The following TET2 variants were observed in gnomAD, a reference collection of about 807,000 sequenced individuals.
TET2 encodes methylcytosine dioxygenase TET2.
TET2 carries 299 observed loss-of-function variants against 142.9 expected under a neutral mutation model. The observed-to-expected ratio is 2.09, with a 90% confidence interval of 1.90 to 2.30. The LOEUF (loss-of-function observed/expected upper bound fraction) is 2.30. Among genes scored for constraint, TET2 ranks in the 30% most tolerant of loss-of-function variants. The pLI, the probability that TET2 is intolerant of heterozygous loss-of-function variation, is 0.00. For synonymous variants in TET2, 819 were observed against 849.0 expected, an observed-to-expected ratio of 0.96 and a Z score of 0.61; for missense variants, 2,418 against 2,378.0, an observed-to-expected ratio of 1.02 and a Z score of -0.35.
chr4:105,227,822 C>A (rs1490523018), intron 2 of TET2, among the ~76,000 whole-genome samples: 2 of 152,070 alleles, frequency 1.3e-5, no homozygotes, highest in African/African-American at 2.4e-5. Context: ...AAAAAAAATT[C>A]ATTAACTCTA....
At chr4:105,178,480 A>G in intron 1 of TET2, among the ~76,000 whole-genome samples, 1 of 152,228 alleles carries the variant, frequency 6.6e-6, no homozygotes, top group Non-Finnish European at 1.5e-5. Flanking sequence ...TCTATGTAAT[A>G]CTATAGTGGT....
intron 2 of TET2, among the ~76,000 whole-genome samples, chr4:105,210,786 C>A (rs560510140): frequency 5.3e-5 from 8 of 152,144 alleles, no homozygotes; most frequent in East Asian, 1.9e-4. Context: ...TTATCCATTT[C>A]TCTGCCACTG....
chr4:105,263,782 A>G (rs1397810280), intron 8 of TET2, among the ~76,000 whole-genome samples: 1 of 152,150 alleles, frequency 6.6e-6, no homozygotes, highest in Non-Finnish European at 1.5e-5. Flanking sequence ...TTCTGGAGCC[A>G]TCAATCATTT....
chr4:105,228,205 C>G (rs1448445491), intron 2 of TET2, among the ~76,000 whole-genome samples: 2 of 152,006 alleles, frequency 1.3e-5, no homozygotes, highest in Non-Finnish European at 2.9e-5. Context: ...GCATTTTTCT[C>G]CTTCTAAAAT....
chr4:105,189,527 T>G (rs1725662641), intron 1 of TET2, among the ~76,000 whole-genome samples: 1 of 152,216 alleles, frequency 6.6e-6, no homozygotes, highest in Non-Finnish European at 1.5e-5. Flanking sequence ...TGCAGCTGTA[T>G]CTGTGCCTCA....
At chr4:105,220,193 A>C (rs902306089) in intron 2 of TET2, among the ~76,000 whole-genome samples, 1 of 152,184 alleles carries the variant, frequency 6.6e-6, no homozygotes, top group Non-Finnish European at 1.5e-5. Flanking sequence ...TAAAGTTCTT[A>C]TATATTATTA....
chr4:105,269,616 T>A lies in TET2; in HGVS notation c.4051T>A (p.Tyr1351Asn), dbSNP rs2110300256. The A allele has an allele frequency of 6.4e-7, 1 of 1,551,536 alleles. No homozygotes were observed. Among genetic ancestry groups the A allele is most frequent in the Non-Finnish European group, 8.7e-7 (1 of 1,146,878 alleles). ...APDAYNNQIEYEHRAPECRLG... is the reference protein window; with the variant it reads ...APDAYNNQIENEHRAPECRLG... ...ACACACTTTTATTTTTCAGATTGAA[T>A]ATGAACACAGAGCACCAGAGTGCCG... The change falls in exon 9 of 11, where the codon TAT (tyrosine) becomes AAT (asparagine). Residue 1351 changes from tyrosine (Y) to asparagine (N), a missense_variant. Coordinates refer to ENST00000380013, the MANE Select transcript of TET2 (RefSeq NM_001127208.3).
In TET2 at chr4:105,275,774, A is replaced by T. The variant is rs756343241; in HGVS notation, c.5264A>T (p.Glu1755Val). 13 of 1,551,746 alleles carry T rather than the reference A, an allele frequency of 8.4e-6. No homozygotes were observed. The highest frequency in any genetic ancestry group is 1.1e-5 in the Non-Finnish European group (13 of 1,146,998). ...SNPNMDYKNG[E>V]HHSPSHIIHN... ...CCAAACATGGACTATAAAAATGGTG[A>T]ACATCATTCACCTTCTCACATAATC... Residue 1755 changes from glutamate (E) to valine (V), a missense_variant, in exon 11 of 11, where the codon GAA becomes GTA. Coordinates refer to ENST00000380013, the MANE Select transcript of TET2 (RefSeq NM_001127208.3).
chr4:105,209,097 A>ATG (rs1727009488), intron 2 of TET2, among the ~76,000 whole-genome samples: 1 of 119,128 alleles, frequency 8.4e-6, no homozygotes, highest in Non-Finnish European at 1.8e-5. Context: ...ATATATATAT[A>ATG]TGTTTGAGCG....
rs1236842539 is a variant in TET2 at position 105,269,595 on chromosome 4, A to G, written c.4045-15A>G. On this transcript the variant is annotated splice_polypyrimidine_tract_variant and intron_variant, in intron 8 of 10. Transcript: ENST00000380013. Reference sequence around the variant, plus strand: ...ACTAACTACTTTCGCATTCACACACACTTTTATTTTTCAGATTGAATATGA... The same window carrying G: ...ACTAACTACTTTCGCATTCACACACGCTTTTATTTTTCAGATTGAATATGA... The G allele has an allele frequency of 1.3e-6, 2 of 1,551,052 alleles. No homozygotes were observed. The highest frequency in any genetic ancestry group is 2.7e-5 in the African/African-American group (2 of 73,016).
At chr4:105,226,254 C>T (rs1316509257) in intron 2 of TET2, among the ~76,000 whole-genome samples, 1 of 152,096 alleles carries the variant, frequency 6.6e-6, no homozygotes, top group East Asian at 1.9e-4. Context: ...TGTTTTGGTG[C>T]TTCACCATGG....
intron 1 of TET2, among the ~76,000 whole-genome samples, chr4:105,188,329 G>T (rs1471234484): frequency 1.3e-5 from 2 of 152,134 alleles, no homozygotes; most frequent in African/African-American, 4.8e-5. Context: ...ATTAATAGAG[G>T]CATACAGTAG....
intron 6 of TET2, among the ~76,000 whole-genome samples, chr4:105,257,319 G>A (rs1730187200): frequency 6.6e-6 from 1 of 152,092 alleles, no homozygotes; most frequent in Non-Finnish European, 1.5e-5. Flanking sequence ...CTGAAAATCA[G>A]ATTCTACCCC....
chr4:105,218,504 G>A (rs992467016), intron 2 of TET2, among the ~76,000 whole-genome samples: 7 of 152,030 alleles, frequency 4.6e-5, no homozygotes, highest in South Asian at 2.1e-4. Flanking sequence ...AGTGGTCTTC[G>A]TGATGAGTTA....
chr4:105,167,382 ATATG>A (rs1461172826), intron 1 of TET2, among the ~76,000 whole-genome samples: 4 of 152,034 alleles, frequency 2.6e-5, no homozygotes, highest in Admixed American at 6.5e-5. Context: ...ACACATATAC[ATATG>A]CGTGTATATG....
chr4:105,274,260 CAT>C (rs1208086656), intron 10 of TET2, among the ~76,000 whole-genome samples: 2 of 152,298 alleles, frequency 1.3e-5, no homozygotes, highest in East Asian at 1.9e-4. Context: ...GTTCTTAACT[CAT>C]ATGACTTTTT....
intron 1 of TET2, among the ~76,000 whole-genome samples, chr4:105,173,878 T>C (rs1410833672): frequency 1.3e-5 from 2 of 152,206 alleles, no homozygotes; most frequent in African/African-American, 4.8e-5. Context: ...GAGACTTCTT[T>C]AAGACTTCAG....
intron 1 of TET2, among the ~76,000 whole-genome samples, chr4:105,175,830 A>G (rs1724755792): frequency 6.6e-6 from 1 of 152,126 alleles, no homozygotes; most frequent in South Asian, 2.1e-4. Flanking sequence ...CAGAAGGAAA[A>G]AACACCTATA....
Position 105,275,077 on chromosome 4 carries a change from C to CA in TET2, c.4568dup (p.Gln1524AlafsTer54). The stretch of plus-strand genomic sequence containing the variant: ...TTTGCGACTTTCAGGACCAGTCATG[C>CA]AGCAGTCCCAGCAGCCCCAGCCTCT... On this transcript the variant is annotated frameshift_variant, in exon 11 of 11. Coordinates refer to ENST00000380013, the MANE Select transcript of TET2 (RefSeq NM_001127208.3). LOFTEE classifies it low-confidence loss of function (END_TRUNC). 6.5e-7 allele frequency: 1 copy of CA among 1,546,410 alleles called. No individual in the cohort carries two copies. The highest frequency in any genetic ancestry group is 8.7e-7 in the Non-Finnish European group (1 of 1,144,464).
Sources: gnomAD v4.1 joint callset for allele counts (sites outside exome capture counted in the v4.1 genomes callset) on GRCh38, gnomAD v4.1.1 for gene constraint, MANE v1.5 for transcripts, NCBI Gene and HGNC (gene_info 2026-07-23, HGNC 2026-07-21) for gene names.